The following TNIK variants were observed in gnomAD, a reference collection of about 807,000 sequenced individuals.
The protein encoded by TNIK is TRAF2 and NCK-interacting protein kinase.
A neutral mutation model predicts 191.3 loss-of-function variants in TNIK; 49 were observed. That is an observed-to-expected ratio of 0.26 (90% confidence interval 0.20 to 0.32). TNIK has a LOEUF of 0.32. TNIK is among the 10% of genes least tolerant of loss of function. The probability of loss-of-function intolerance (pLI) is 1.00; values close to 1 mark genes in which losing one functional copy is unlikely to be tolerated. For missense variants in TNIK, 1,155 were observed against 1,702.3 expected, an observed-to-expected ratio of 0.68 and a Z score of 5.66; for synonymous variants, 594 against 600.9, an observed-to-expected ratio of 0.99 and a Z score of 0.17.
At chr3:171,330,953 C>A (rs1415240718) in intron 2 of TNIK, among the ~76,000 whole-genome samples, 1 of 152,150 alleles carries the variant, frequency 6.6e-6, no homozygotes, top group Non-Finnish European at 1.5e-5. Flanking sequence ...GGGAAAAAGA[C>A]ATGGATGGTC....
At position 171,061,350 on chromosome 3, in the gene TNIK, C is replaced by T. The variant is rs964859563; in HGVS notation, c.*2531G>A. The T allele has an allele frequency of 1.3e-5, 2 of 149,014 alleles. No homozygotes were observed. The highest frequency in any genetic ancestry group is 2.1e-4 in the South Asian group (1 of 4,732). The allele number at this position is 149,014 out of a possible 1,614,324, so 9.2% of individuals were successfully genotyped here. A position where few individuals can be genotyped will look rare whatever the true frequency, so the allele number is the denominator to read the frequency against. On this transcript the variant is annotated 3_prime_UTR_variant, in exon 33 of 33. Transcript: ENST00000436636. The stretch of plus-strand genomic sequence containing the variant: ...ATAAAAGGCATGGCTTGATGTTTAA[C>T]GTGTGTTTTATTGTTGTTGGCACCA...
chr3:171,129,727 C>T (rs571370087), intron 15 of TNIK, among the ~76,000 whole-genome samples: 22 of 152,308 alleles, frequency 1.4e-4, no homozygotes, highest in African/African-American at 2.2e-4. Flanking sequence ...AAGGGCTTCA[C>T]GGGAAATGCT....
intron 2 of TNIK, among the ~76,000 whole-genome samples, chr3:171,240,742 A>AT (rs1744862875): frequency 1.3e-5 from 2 of 152,158 alleles, no homozygotes; most frequent in South Asian, 4.1e-4. Flanking sequence ...TCTGGCTGCT[A>AT]TATCTAAAAC....
intron 9 of TNIK, 52 bp downstream of exon 9, chr3:171,175,200 T>G (rs1322412855): frequency 1.3e-6 from 2 of 1,547,634 alleles, no homozygotes; most frequent in Admixed American, 3.6e-5. Flanking sequence ...CAAAATAGAA[T>G]CACAAGAAAA....
chr3:171,380,267 A>G (rs1168812460), intron 1 of TNIK, among the ~76,000 whole-genome samples: 1 of 152,208 alleles, frequency 6.6e-6, no homozygotes, highest in South Asian at 2.1e-4. Context: ...CAGCAAAACG[A>G]GGTGGAAATG....
At chr3:171,362,335 A>G (rs987514460) in intron 2 of TNIK, among the ~76,000 whole-genome samples, 23 of 152,232 alleles carry the variant, frequency 1.5e-4, no homozygotes, top group Admixed American at 5.9e-4. Context: ...TTTGCCATTA[A>G]AAGTAATACT....
At chr3:171,162,964 G>A (rs1397057266) in intron 10 of TNIK, among the ~76,000 whole-genome samples, 1 of 152,236 alleles carries the variant, frequency 6.6e-6, no homozygotes, top group African/African-American at 2.4e-5. Flanking sequence ...GAAGAGACTT[G>A]AAGTCTTTGG....
chr3:171,223,910 CTTT>C lies in TNIK; in HGVS notation c.180+4252_180+4254del, dbSNP rs1212510340. On this transcript the variant is annotated intron_variant, in intron 3 of 32. Transcript: ENST00000436636. ...TTGCCCACCCAGCATCTTTCCCACT[CTTT>C]TCTATAATAACTCTCAGGTTTTTCT... is the stretch of plus-strand genomic sequence containing the variant. 3.3e-5 allele frequency among the ~76,000 whole-genome samples: 5 copies of C among 152,148 alleles called. No individual in the cohort carries two copies. The South Asian group carries it at 8.3e-4, about 25-fold the overall frequency.
At chr3:171,331,450 T>C (rs986753063) in intron 2 of TNIK, among the ~76,000 whole-genome samples, 5 of 152,334 alleles carry the variant, frequency 3.3e-5, no homozygotes, top group African/African-American at 1.2e-4. Flanking sequence ...TAAAATAGCA[T>C]CTACTTGGTA....
intron 1 of TNIK, among the ~76,000 whole-genome samples, chr3:171,379,429 G>A (rs1717712406): frequency 6.6e-6 from 1 of 152,120 alleles, no homozygotes; most frequent in Non-Finnish European, 1.5e-5. Context: ...TTAATCCTTT[G>A]TCAGCTGCTG....
chr3:171,453,291 C>G (rs542234125), intron 1 of TNIK, among the ~76,000 whole-genome samples: 1 of 152,238 alleles, frequency 6.6e-6, no homozygotes, highest in Admixed American at 6.5e-5. Flanking sequence ...GGTGTGAGGT[C>G]AGTTCTGAGA....
chr3:171,211,349 C>A (rs1472933474), intron 3 of TNIK, 108 bp from the exon 4 acceptor site: 3 of 1,268,224 alleles, frequency 2.4e-6, no homozygotes, highest in South Asian at 1.6e-5. Context: ...TCCTTGTTGA[C>A]AAATGAGCAT....
Position 171,277,199 on chromosome 3 carries a change from T to C in TNIK, c.124-48978A>G, listed in dbSNP as rs758357364. Among the ~76,000 whole-genome samples, 11 of 152,274 alleles carry C rather than the reference T, an allele frequency of 7.2e-5. No individual in the cohort carries two copies. In the East Asian group the frequency reaches 1.7e-3, roughly 24 times the overall value. ...ATGCAGCAAGAAGGCCCTTATGAGA[T>C]AGAGCCCCTTGACCTTGAGATCTCA... On this transcript the variant is annotated intron_variant, in intron 2 of 32. Coordinates refer to ENST00000436636, the MANE Select transcript of TNIK (RefSeq NM_015028.4).
intron 1 of TNIK, among the ~76,000 whole-genome samples, chr3:171,380,285 C>A (rs1418183097): frequency 1.3e-5 from 2 of 152,134 alleles, no homozygotes; most frequent in African/African-American, 4.8e-5. Flanking sequence ...ATGATGGGAA[C>A]CAGACTAGCA....
Position 171,452,576 on chromosome 3 carries a change from C to G in TNIK, c.57+7431G>C, listed in dbSNP as rs73879572. Among the ~76,000 whole-genome samples the G allele has an allele frequency of 4.5e-3, 680 of 152,182 alleles. 3 individuals carry two copies. Among genetic ancestry groups the G allele is most frequent in the African/African-American group, 0.015 (616 of 41,516 alleles). On this transcript the variant is annotated intron_variant, in intron 1 of 32. Transcript: ENST00000436636. ...CACCATCTCCCAAACTCTCTCTACC[C>G]GCTCACTGCCAGCTCTGTCAAGATA...
chr3:171,287,107 C>T (rs568154356), intron 2 of TNIK, among the ~76,000 whole-genome samples: 1 of 152,264 alleles, frequency 6.6e-6, no homozygotes, highest in Admixed American at 6.5e-5. Flanking sequence ...GTTTTCCCTA[C>T]AGTCCTCAGG....
At chr3:171,316,940 ATGATATATAT>A (rs1460785784) in intron 2 of TNIK, among the ~76,000 whole-genome samples, 25 of 133,794 alleles carry the variant, frequency 1.9e-4, no homozygotes, top group African/African-American at 6.4e-4. Context: ...ATATAATTAT[ATGATATATAT>A]CATATAAAAT....
chr3:171,400,987 T>A (rs537054569), intron 1 of TNIK, among the ~76,000 whole-genome samples: 2 of 152,268 alleles, frequency 1.3e-5, no homozygotes, highest in South Asian at 4.1e-4. Context: ...AGCAGGAGAA[T>A]CAGGCCAGTG....
At chr3:171,233,933 C>T (rs998419145) in intron 2 of TNIK, among the ~76,000 whole-genome samples, 4 of 152,128 alleles carry the variant, frequency 2.6e-5, no homozygotes, top group Admixed American at 1.3e-4. Context: ...AATTATTTTG[C>T]TCATAAATAA....
Sources: gnomAD v4.1 joint callset for allele counts (sites outside exome capture counted in the v4.1 genomes callset) on GRCh38, gnomAD v4.1.1 for gene constraint, MANE v1.5 for transcripts, NCBI Gene and HGNC (gene_info 2026-07-23, HGNC 2026-07-21) for gene names.